Variants in FAM168A observed in about 807,000 individuals in gnomAD.
FAM168A encodes protein FAM168A.
A neutral mutation model predicts 28.5 loss-of-function variants in FAM168A; 3 were observed. The observed-to-expected ratio is 0.11, with a 90% CI of 0.05 to 0.27. The LOEUF (loss-of-function observed/expected upper bound fraction) is 0.27. FAM168A is among the 10% of genes least tolerant of loss of function. The pLI, the probability that FAM168A is intolerant of heterozygous loss-of-function variation, is 1.00. For missense variants in FAM168A, 222 were observed against 311.5 expected, an observed-to-expected ratio of 0.71 and a Z score of 2.16; for synonymous variants, 122 against 124.2, an observed-to-expected ratio of 0.98 and a Z score of 0.12.
intron 2 of FAM168A, among the ~76,000 whole-genome samples, chr11:73,447,376 T>G (rs1223302519): frequency 1.3e-5 from 2 of 151,426 alleles, no homozygotes; most frequent in Non-Finnish European, 2.9e-5. Context: ...TAGCAAGACC[T>G]CATCTCTACC....
At chr11:73,453,613 A>G (rs1867472145) in intron 2 of FAM168A, among the ~76,000 whole-genome samples, 1 of 152,240 alleles carries the variant, frequency 6.6e-6, no homozygotes. Flanking sequence ...CGAATAAGTG[A>G]CAGATAGGGT....
intron 1 of FAM168A, among the ~76,000 whole-genome samples, chr11:73,516,890 C>G (rs1282369673): frequency 6.6e-6 from 1 of 152,110 alleles, no homozygotes; most frequent in Non-Finnish European, 1.5e-5. Context: ...CTTACAGAAG[C>G]AGCAATAAAC....
intron 1 of FAM168A, among the ~76,000 whole-genome samples, chr11:73,566,391 T>TA (rs1469469057): frequency 6.6e-6 from 1 of 152,200 alleles, no homozygotes; most frequent in Non-Finnish European, 1.5e-5. Flanking sequence ...ATGTAATCAA[T>TA]AAAAATTAAA....
At chr11:73,472,694 G>A (rs1867831892) in intron 1 of FAM168A, among the ~76,000 whole-genome samples, 2 of 152,206 alleles carry the variant, frequency 1.3e-5, no homozygotes, top group South Asian at 4.1e-4. Flanking sequence ...GATGGTGGTG[G>A]TGGAAACTAG....
rs762346103 is a variant in FAM168A, at chr11:73,403,344, G to A, written c.*3419C>T. On this transcript the variant is annotated 3_prime_UTR_variant, in exon 8 of 8. Transcript: ENST00000356467. ...CTTCTTGACCCCAGGCCAGTGAGGA[G>A]AGGGGGTCAGGTAGAAGTAGAAGAA... 5.9e-5 allele frequency: 9 copies of A among 152,172 alleles called. No individual in the cohort carries two copies. Among genetic ancestry groups the A allele is most frequent in the Non-Finnish European group, 1.3e-4 (9 of 68,040 alleles). The allele number at this position is 152,172 out of a possible 1,614,324, so 9.4% of individuals were successfully genotyped here. A position where few individuals can be genotyped will look rare whatever the true frequency, so the allele number is the denominator to read the frequency against.
chr11:73,458,605 ATTTC>A (rs1407787525), intron 2 of FAM168A, among the ~76,000 whole-genome samples: 7 of 150,864 alleles, frequency 4.6e-5, no homozygotes, highest in African/African-American at 1.7e-4. Flanking sequence ...TCTAATAGAA[ATTTC>A]TTTCTTTCTT....
intron 1 of FAM168A, among the ~76,000 whole-genome samples, chr11:73,542,604 G>A (rs918350668): frequency 6.6e-6 from 1 of 152,092 alleles, no homozygotes; most frequent in Non-Finnish European, 1.5e-5. Flanking sequence ...CTTCCCAGAA[G>A]CCAAAATGAT....
At chr11:73,515,003 G>C (rs1019206536) in intron 1 of FAM168A, among the ~76,000 whole-genome samples, 5 of 152,170 alleles carry the variant, frequency 3.3e-5, no homozygotes, top group African/African-American at 1.2e-4. Context: ...AGTGGGAAGA[G>C]AACAGTGTCC....
chr11:73,522,985 C>G (rs987204114), intron 1 of FAM168A, among the ~76,000 whole-genome samples: 1 of 151,914 alleles, frequency 6.6e-6, no homozygotes, highest in Non-Finnish European at 1.5e-5. Flanking sequence ...TGAACTCCAG[C>G]CTGGGCAACA....
chr11:73,517,703 C>CTATGTT (rs1160688072), intron 1 of FAM168A, among the ~76,000 whole-genome samples: 2 of 152,158 alleles, frequency 1.3e-5, no homozygotes, highest in Non-Finnish European at 2.9e-5. Flanking sequence ...CTTGTTTATA[C>CTATGTT]TATACGACCT....
chr11:73,548,827 G>A (rs574571150), intron 1 of FAM168A, among the ~76,000 whole-genome samples: 30 of 152,098 alleles, frequency 2.0e-4, no homozygotes, highest in African/African-American at 7.2e-4. Context: ...GTAAAGGTGG[G>A]GTCTCCCTAT....
intron 1 of FAM168A, among the ~76,000 whole-genome samples, chr11:73,480,484 T>C (rs1676441076): frequency 6.6e-6 from 1 of 152,106 alleles, no homozygotes; most frequent in Admixed American, 6.6e-5. Flanking sequence ...GACCTTACTA[T>C]GTGCCAATTC....
chr11:73,445,256 T>A (rs533287437), intron 2 of FAM168A, among the ~76,000 whole-genome samples: 2 of 144,552 alleles, frequency 1.4e-5, no homozygotes, highest in Admixed American at 1.4e-4. Flanking sequence ...TGAAACTCCA[T>A]CTCAAAAAAA....
At chr11:73,561,061 C>CA (rs34101924) in intron 1 of FAM168A, among the ~76,000 whole-genome samples, 889 of 86,530 alleles carry the variant, frequency 0.01, 18 homozygotes, top group East Asian at 0.061. Context: ...GACTCTGTCC[C>CA]AAAAAAAAAA....
intron 2 of FAM168A, among the ~76,000 whole-genome samples, chr11:73,441,166 C>A (rs1290125999): frequency 6.6e-6 from 1 of 151,564 alleles, no homozygotes; most frequent in Non-Finnish European, 1.5e-5. Context: ...TCAAGCGATT[C>A]CCCTGCCTCA....
intron 1 of FAM168A, among the ~76,000 whole-genome samples, chr11:73,593,415 C>G (rs1285035758): frequency 6.6e-6 from 1 of 152,184 alleles, no homozygotes; most frequent in Non-Finnish European, 1.5e-5. Flanking sequence ...GTAACCCAGA[C>G]TTTTCCACTG....
chr11:73,472,102 TC>T (rs1316391664), intron 1 of FAM168A, among the ~76,000 whole-genome samples: 1 of 152,050 alleles, frequency 6.6e-6, no homozygotes. Context: ...TGCCCCCCTC[TC>T]CCCGCCCCAT....
intron 3 of FAM168A, among the ~76,000 whole-genome samples, chr11:73,426,865 T>C (rs1197986275): frequency 6.6e-6 from 1 of 152,192 alleles, no homozygotes. Flanking sequence ...TACCCTCTCT[T>C]ATGGATTTTG....
intron 1 of FAM168A, among the ~76,000 whole-genome samples, chr11:73,502,040 G>C (rs993690164): frequency 4.6e-5 from 7 of 151,116 alleles, no homozygotes; most frequent in African/African-American, 1.7e-4. Context: ...GGCGGAGCTT[G>C]CAGTGAGCTG....
Sources: allele counts gnomAD v4.1 joint callset (sites outside exome capture counted in the v4.1 genomes callset), GRCh38; gene constraint gnomAD v4.1.1; transcripts MANE v1.5; gene names NCBI Gene and HGNC (gene_info 2026-07-23, HGNC 2026-07-21).